EXTL3: variants seen among roughly 807,000 people sequenced by gnomAD.
The protein encoded by EXTL3 is exostosin like glycosyltransferase 3, also known as exostosin-like 3.
EXTL3 carries 27 observed loss-of-function variants against 69.3 expected under a neutral mutation model. That is an observed-to-expected ratio of 0.39 (90% CI 0.29 to 0.54). EXTL3 has a LOEUF of 0.54. Ranked by LOEUF, EXTL3 falls within the 20% of genes least tolerant of loss-of-function variation. The probability of loss-of-function intolerance (pLI) is 0.69; values close to 1 mark genes in which losing one functional copy is unlikely to be tolerated. For synonymous variants in EXTL3, 511 were observed against 499.4 expected, an observed-to-expected ratio of 1.02 and a Z score of -0.31; for missense variants, 1,003 against 1,231.8, an observed-to-expected ratio of 0.81 and a Z score of 2.78.
At chr8:28,691,758 G>T (rs185123437) in intron 1 of EXTL3, among the ~76,000 whole-genome samples, 1 of 151,690 alleles carries the variant, frequency 6.6e-6, no homozygotes, top group East Asian at 1.9e-4. Flanking sequence ...TTAGCCAGGC[G>T]TGGTGGCGCG....
intron 2 of EXTL3, among the ~76,000 whole-genome samples, chr8:28,615,400 C>T (rs983370909): frequency 2.0e-5 from 3 of 152,120 alleles, no homozygotes; most frequent in Non-Finnish European, 4.4e-5. Context: ...GCAGGTCTAT[C>T]AGTTTTTGCC....
intron 1 of EXTL3, among the ~76,000 whole-genome samples, chr8:28,709,380 A>G (rs1312245209): frequency 3.3e-5 from 5 of 152,056 alleles, no homozygotes; most frequent in Admixed American, 3.3e-4. Flanking sequence ...TTTCATTGGG[A>G]ACATCTGGAA....
chr8:28,747,712 T>C (rs957771545), intron 6 of EXTL3, among the ~76,000 whole-genome samples: 1 of 150,682 alleles, frequency 6.6e-6, no homozygotes, highest in Non-Finnish European at 1.5e-5. Context: ...TACGTATATA[T>C]GTATTTTTTC....
intron 1 of EXTL3, among the ~76,000 whole-genome samples, chr8:28,683,093 C>T (rs1378389484): frequency 6.6e-6 from 1 of 152,114 alleles, no homozygotes; most frequent in East Asian, 1.9e-4. Flanking sequence ...TATTTCTGGG[C>T]TCTCTATTCT....
chr8:28,722,774 TAAAAAAAAAAAAA>T (rs397711641), intron 3 of EXTL3, among the ~76,000 whole-genome samples: 3 of 97,600 alleles, frequency 3.1e-5, no homozygotes, highest in South Asian at 3.3e-4. Flanking sequence ...ACCCTGTCTC[TAAAAAAAAAAAAA>T]AAAAAAAAAG....
intron 1 of EXTL3, among the ~76,000 whole-genome samples, chr8:28,689,518 A>C (rs890241909): frequency 3.3e-5 from 5 of 152,156 alleles, no homozygotes; most frequent in African/African-American, 1.2e-4. Flanking sequence ...TTCAAATGTC[A>C]TTTCAAAGTA....
chr8:28,712,040 A>G (rs1585268797), intron 1 of EXTL3, among the ~76,000 whole-genome samples: 1 of 152,272 alleles, frequency 6.6e-6, no homozygotes, highest in East Asian at 1.9e-4. Flanking sequence ...AAGGGAGGGA[A>G]TTAATAAATT....
chr8:28,632,307 A>G (rs1171884349), intron 1 of EXTL3, among the ~76,000 whole-genome samples: 1 of 151,994 alleles, frequency 6.6e-6, no homozygotes, highest in East Asian at 1.9e-4. Flanking sequence ...AGGCAGGAGA[A>G]TCGCTTAAAC....
intron 1 of EXTL3, among the ~76,000 whole-genome samples, chr8:28,676,138 C>T (rs1363362937): frequency 6.6e-6 from 1 of 151,754 alleles, no homozygotes; most frequent in African/African-American, 2.4e-5. Flanking sequence ...GTGGACATGT[C>T]TTGGTTTAAT....
At chr8:28,689,206 C>T (rs1800572067) in intron 1 of EXTL3, among the ~76,000 whole-genome samples, 1 of 152,182 alleles carries the variant, frequency 6.6e-6, no homozygotes, top group African/African-American at 2.4e-5. Flanking sequence ...TCACATAAGG[C>T]ATTTGTGCAT....
chr8:28,625,439 G>C (rs1806476721), intron 1 of EXTL3, among the ~76,000 whole-genome samples: 1 of 152,182 alleles, frequency 6.6e-6, no homozygotes, highest in South Asian at 2.1e-4. Flanking sequence ...TTCCCCCTTT[G>C]TGGTGCCAAT....
chr8:28,681,783 G>C (rs939208245), intron 1 of EXTL3, among the ~76,000 whole-genome samples: 1 of 151,610 alleles, frequency 6.6e-6, no homozygotes, highest in Non-Finnish European at 1.5e-5. Context: ...GCTGGGCATG[G>C]TAGCTCACGC....
chr8:28,657,690 A>T (rs990055341), intron 1 of EXTL3, among the ~76,000 whole-genome samples: 13 of 149,534 alleles, frequency 8.7e-5, no homozygotes, highest in African/African-American at 2.7e-4. Context: ...GTGCTTATTT[A>T]AAAAAAAAAT....
chr8:28,725,449 CCT>C (rs199884857), intron 3 of EXTL3, among the ~76,000 whole-genome samples: 2,076 of 152,194 alleles, frequency 0.014, 50 homozygotes, highest in African/African-American at 0.048. Flanking sequence ...TTTCCTAATT[CCT>C]CTCTATCATT....
chr8:28,610,763 G>C (rs958430258), intron 2 of EXTL3, among the ~76,000 whole-genome samples: 17 of 142,216 alleles, frequency 1.2e-4, no homozygotes, highest in Admixed American at 7.2e-5. Context: ...TTTTTTTTTA[G>C]ATGGAGTCTC....
intron 1 of EXTL3, among the ~76,000 whole-genome samples, chr8:28,652,507 A>T (rs886911972): frequency 6.6e-6 from 1 of 151,866 alleles, no homozygotes; most frequent in African/African-American, 2.4e-5. Context: ...AAAAAAAATT[A>T]TCTGGCTGTG....
intron 1 of EXTL3, among the ~76,000 whole-genome samples, chr8:28,663,727 CAGGTGTG>C (rs2130627415): frequency 6.6e-6 from 1 of 152,330 alleles, no homozygotes; most frequent in East Asian, 1.9e-4. Context: ...GCTGGAATTA[CAGGTGTG>C]AGCCACTGTG....
At chr8:28,640,687 C>T (rs1109252) in intron 1 of EXTL3, among the ~76,000 whole-genome samples, 2 of 152,110 alleles carry the variant, frequency 1.3e-5, no homozygotes, top group African/African-American at 4.8e-5. Flanking sequence ...ACTGCAGCTT[C>T]GACCTCCTGG....
upstream of EXTL3, among the ~76,000 whole-genome samples, chr8:28,699,007 A>G (rs1318253099): frequency 6.6e-6 from 1 of 152,066 alleles, no homozygotes; most frequent in Non-Finnish European, 1.5e-5. Context: ...ACAAAAACAA[A>G]AACAAAAAAC....
Sources: allele counts gnomAD v4.1 joint callset (sites outside exome capture counted in the v4.1 genomes callset), GRCh38; gene constraint gnomAD v4.1.1; transcripts MANE v1.5; gene names NCBI Gene and HGNC (gene_info 2026-07-23, HGNC 2026-07-21).